Variants in TENM3 observed in about 807,000 individuals in gnomAD.
TENM3 encodes the protein teneurin-3.
Under a neutral mutation model 255.1 loss-of-function variants are expected in TENM3, and 63 were observed. The ratio of observed to expected loss-of-function variants is 0.25; its 90% CI spans 0.20 to 0.30. TENM3 has a LOEUF of 0.30. Ranked by LOEUF, TENM3 falls within the 10% of genes least tolerant of loss-of-function variation. TENM3 has a pLI of 1.00. For missense variants in TENM3, 2,929 were observed against 3,461.1 expected, an observed-to-expected ratio of 0.85 and a Z score of 3.86; for synonymous variants, 1,306 against 1,322.3, an observed-to-expected ratio of 0.99 and a Z score of 0.27.
the TENM3 span, among the ~76,000 whole-genome samples, chr4:181,611,146 A>G: frequency 6.6e-6 from 1 of 152,216 alleles, no homozygotes; most frequent in South Asian, 2.1e-4. Flanking sequence ...TTAAATTAGT[A>G]CACCTAAGCG....
the TENM3 span, among the ~76,000 whole-genome samples, chr4:181,526,474 A>T: frequency 6.6e-6 from 1 of 152,276 alleles, no homozygotes; most frequent in South Asian, 2.1e-4. Flanking sequence ...TTATAACGTG[A>T]TTGAAATGTA....
At chr4:181,990,991 A>G in the TENM3 span, among the ~76,000 whole-genome samples, 25,030 of 152,186 alleles carry the variant, frequency 0.16, 2,342 homozygotes, top group Middle Eastern at 0.22. Flanking sequence ...GAAAAAAACC[A>G]AAAGGATATT....
intron 1 of TENM3, among the ~76,000 whole-genome samples, chr4:182,289,733 G>C (rs925044771): frequency 6.6e-6 from 1 of 152,118 alleles, no homozygotes; most frequent in Non-Finnish European, 1.5e-5. Flanking sequence ...CTGAGGCTTA[G>C]AGGTGTATGA....
At chr4:182,073,607 A>G in the TENM3 span, among the ~76,000 whole-genome samples, 3 of 152,230 alleles carry the variant, frequency 2.0e-5, no homozygotes, top group Non-Finnish European at 2.9e-5. Flanking sequence ...ATGTAGCAAG[A>G]GAGGAAACCA....
At chr4:182,465,461 C>T (rs961915422) in intron 3 of TENM3, among the ~76,000 whole-genome samples, 3 of 152,124 alleles carry the variant, frequency 2.0e-5, no homozygotes, top group Non-Finnish European at 4.4e-5. Context: ...CACTGAATCT[C>T]CTGGCACCTT....
At chr4:181,682,926 G>C in the TENM3 span, among the ~76,000 whole-genome samples, 1 of 151,890 alleles carries the variant, frequency 6.6e-6, no homozygotes, top group Non-Finnish European at 1.5e-5. Flanking sequence ...ACAACTTTTA[G>C]AATAAGGCTA....
At chr4:181,899,625 T>C in the TENM3 span, among the ~76,000 whole-genome samples, 1,060 of 152,270 alleles carry the variant, frequency 7.0e-3, 17 homozygotes, top group African/African-American at 0.024. Flanking sequence ...TGGAGTGCAG[T>C]GGCGCGATCT....
At chr4:181,555,450 A>G in the TENM3 span, among the ~76,000 whole-genome samples, 3 of 152,186 alleles carry the variant, frequency 2.0e-5, no homozygotes, top group Non-Finnish European at 4.4e-5. Context: ...TTAAGGTATG[A>G]TCAGTTTTAG....
the TENM3 span, among the ~76,000 whole-genome samples, chr4:182,073,558 T>C: frequency 1.3e-5 from 2 of 152,224 alleles, no homozygotes; most frequent in Non-Finnish European, 2.9e-5. Flanking sequence ...TGTTTTGTTA[T>C]GGCAGCCCAA....
chr4:181,932,407 GA>G, the TENM3 span, among the ~76,000 whole-genome samples: 2 of 152,066 alleles, frequency 1.3e-5, no homozygotes, highest in Admixed American at 6.5e-5. Flanking sequence ...ACAAACATAT[GA>G]AAAAAAGCTC....
At chr4:181,768,576 CAG>C in the TENM3 span, among the ~76,000 whole-genome samples, 88 of 152,174 alleles carry the variant, frequency 5.8e-4, no homozygotes, top group Non-Finnish European at 1.2e-3. Flanking sequence ...TCCTTTATCA[CAG>C]AGTTTTAGTT....
chr4:182,359,214 C>T (rs1443727939), intron 3 of TENM3, among the ~76,000 whole-genome samples: 2 of 152,136 alleles, frequency 1.3e-5, no homozygotes, highest in Admixed American at 6.6e-5. Context: ...GCTTTGGTAT[C>T]GGGATGATGC....
intron 3 of TENM3, among the ~76,000 whole-genome samples, chr4:182,463,535 ATCTCTGCTCACTGCAAAC>A (rs1473599255): frequency 6.6e-6 from 1 of 150,992 alleles, no homozygotes; most frequent in Non-Finnish European, 1.5e-5. Flanking sequence ...CAGTGGTGCG[ATCTCTGCTCACTGCAAAC>A]TCCACCTCCC....
At chr4:182,003,098 G>A in the TENM3 span, among the ~76,000 whole-genome samples, 3 of 152,062 alleles carry the variant, frequency 2.0e-5, no homozygotes, top group African/African-American at 7.2e-5. Flanking sequence ...ACAAATAGTA[G>A]ATGCACAGCA....
chr4:181,991,061 C>G, the TENM3 span, among the ~76,000 whole-genome samples: 1 of 152,064 alleles, frequency 6.6e-6, no homozygotes, highest in Non-Finnish European at 1.5e-5. Flanking sequence ...TTTGGGCTAG[C>G]CTTTCCTATA....
At chr4:181,887,566 T>G in the TENM3 span, among the ~76,000 whole-genome samples, 1 of 152,196 alleles carries the variant, frequency 6.6e-6, no homozygotes, top group Non-Finnish European at 1.5e-5. Flanking sequence ...TGCTTTATAT[T>G]CTGGCTGCAA....
At chr4:182,389,564 G>A (rs1768260678) in intron 3 of TENM3, among the ~76,000 whole-genome samples, 1 of 152,124 alleles carries the variant, frequency 6.6e-6, no homozygotes, top group Admixed American at 6.5e-5. Flanking sequence ...CTATCTAACA[G>A]GGAATATGAC....
At chr4:182,429,352 A>C (rs2151182499) in intron 3 of TENM3, among the ~76,000 whole-genome samples, 1 of 152,304 alleles carries the variant, frequency 6.6e-6, no homozygotes, top group South Asian at 2.1e-4. Flanking sequence ...ATAACTTTTA[A>C]GGCAGTGTTT....
intron 3 of TENM3, among the ~76,000 whole-genome samples, chr4:182,570,846 C>A (rs1397436025): frequency 3.0e-4 from 45 of 148,170 alleles, no homozygotes; most frequent in Non-Finnish European, 5.2e-4. Context: ...AAAAACAAAA[C>A]AAACAAACTT....
Sources: allele counts gnomAD v4.1 joint callset (sites outside exome capture counted in the v4.1 genomes callset), GRCh38; gene constraint gnomAD v4.1.1; transcripts MANE v1.5; gene names NCBI Gene and HGNC (gene_info 2026-07-23, HGNC 2026-07-21).